MIB1: variants seen among roughly 807,000 people sequenced by gnomAD.
MIB1 encodes the protein E3 ubiquitin-protein ligase MIB1.
A neutral mutation model predicts 124.5 loss-of-function variants in MIB1; 278 were observed. That is an observed-to-expected ratio of 2.23 (90% confidence interval 2.02 to 2.47). The LOEUF (loss-of-function observed/expected upper bound fraction) is 2.47, where lower values mean the gene tolerates loss of function less well. MIB1 is among the 30% of genes most tolerant of loss of function. The probability of loss-of-function intolerance (pLI) is 0.00; values close to 1 mark genes in which losing one functional copy is unlikely to be tolerated. For missense variants in MIB1, 957 were observed against 1,254.4 expected (o/e 0.76, Z 3.58); for synonymous variants, 446 against 429.4 (o/e 1.04, Z -0.48).
rs777094146 is a variant in MIB1, at chr18:21,838,519, T to A, written c.1962+22T>A. 1.4e-5 allele frequency: 21 copies of A among 1,549,140 alleles called. No homozygotes were observed. In the South Asian group the frequency reaches 2.5e-4, roughly 18 times the overall value. ...TCAGGTAAGAAAAGAGTTAAATAATTCCCTCTTTTTTATTTTTTTTTAAAC... is the reference window on the plus strand; with the variant it reads ...TCAGGTAAGAAAAGAGTTAAATAATACCCTCTTTTTTATTTTTTTTTAAAC... On this transcript the variant is annotated intron_variant, in intron 13 of 20. Coordinates refer to ENST00000261537, the MANE Select transcript of MIB1 (RefSeq NM_020774.4).
intron 3 of MIB1, among the ~76,000 whole-genome samples, chr18:21,773,202 T>A (rs1400488883): frequency 1.3e-5 from 2 of 152,056 alleles, no homozygotes; most frequent in African/African-American, 4.8e-5. Flanking sequence ...AGGCGGAGGT[T>A]GCATTGAGCC....
In MIB1 at chr18:21,869,083, G is replaced by T. The variant is rs567280001; in HGVS notation, c.*4417G>T. 1 of 152,584 alleles carries T rather than the reference G, an allele frequency of 6.6e-6. No individual in the cohort carries two copies. Among genetic ancestry groups the T allele is most frequent in the Non-Finnish European group, 1.5e-5 (1 of 67,906 alleles). The allele number at this position is 152,584 out of a possible 1,614,324, so 9.5% of individuals were successfully genotyped here. A position where few individuals can be genotyped will look rare whatever the true frequency, so the allele number is the denominator to read the frequency against. On this transcript the variant is annotated 3_prime_UTR_variant, in exon 21 of 21. Coordinates refer to ENST00000261537, the MANE Select transcript of MIB1 (RefSeq NM_020774.4). ...TTAAAATTGACATTTTTGTTTCATTGAGAATTTAAGCAGTAGGTACAGGAG... is the reference window on the plus strand; with the variant it reads ...TTAAAATTGACATTTTTGTTTCATTTAGAATTTAAGCAGTAGGTACAGGAG...
chr18:21,752,669 C>A (rs1440776015), intron 1 of MIB1, among the ~76,000 whole-genome samples: 1 of 152,100 alleles, frequency 6.6e-6, no homozygotes, highest in African/African-American at 2.4e-5. Flanking sequence ...ACTCTCCAGG[C>A]CTTGTGGTAC....
intron 8 of MIB1, 116 bp from the exon 9 acceptor site, chr18:21,799,722 CATT>C (rs1568206968): frequency 5.1e-5 from 52 of 1,014,508 alleles, no homozygotes; most frequent in South Asian, 4.9e-4. Context: ...AGAAAAATAA[CATT>C]AATGATGGAA....
At chr18:21,755,834 CAG>C (rs1445630139) in intron 1 of MIB1, among the ~76,000 whole-genome samples, 4 of 152,274 alleles carry the variant, frequency 2.6e-5, no homozygotes, top group Middle Eastern at 3.4e-3. Context: ...TTTATATTCT[CAG>C]AGCACACTTA....
At chr18:21,815,873 A>G (rs1232940078) in intron 11 of MIB1, 60 bp downstream of exon 11, 3 of 1,426,758 alleles carry the variant, frequency 2.1e-6, no homozygotes, top group Middle Eastern at 1.8e-4. Flanking sequence ...AAAGGGAAAC[A>G]TTAAGTTCTA....
chr18:21,780,429 T>C (rs117771031), intron 6 of MIB1, among the ~76,000 whole-genome samples: 229 of 152,274 alleles, frequency 1.5e-3, no homozygotes, highest in Non-Finnish European at 2.5e-3. Context: ...CCAATCAACT[T>C]TCTATCTCCA....
intron 7 of MIB1, among the ~76,000 whole-genome samples, chr18:21,793,386 G>A (rs1439397916): frequency 6.6e-6 from 1 of 152,168 alleles, no homozygotes; most frequent in Non-Finnish European, 1.5e-5. Flanking sequence ...GACAAAGGAA[G>A]GAGAAGGTCC....
chr18:21,762,770 A>T (rs1180393488), intron 1 of MIB1, among the ~76,000 whole-genome samples: 1 of 152,208 alleles, frequency 6.6e-6, no homozygotes, highest in Non-Finnish European at 1.5e-5. Flanking sequence ...ATGGTATATA[A>T]TTGCTATTTA....
upstream of MIB1, among the ~76,000 whole-genome samples, chr18:21,736,421 A>G (rs1427547403): frequency 1.3e-5 from 2 of 152,232 alleles, no homozygotes; most frequent in East Asian, 3.8e-4. Flanking sequence ...ACCAGCACAA[A>G]AAGGCTGAAA....
In MIB1 at chr18:21,773,660, C is replaced by T. The variant is rs1371683073; in HGVS notation, c.568C>T (p.His190Tyr). 6.2e-7 allele frequency: 1 copy of T among 1,609,182 alleles called. No individual in the cohort carries two copies. The highest frequency in any genetic ancestry group is 2.2e-5 in the East Asian group (1 of 44,540). The change falls in exon 4 of 21, where the codon CAT becomes TAT. Residue 190 changes from histidine to tyrosine, a missense_variant. Transcript: ENST00000261537. The stretch of plus-strand genomic sequence containing the variant: ...CCAGGACTGGAGTGCATCAAGCCCA[C>T]ATAGCGCAGCATATGTCCTCTGGGA... Reference protein sequence around the residue: ...EIQDWSASSPHSAAYVLWDNG... With the variant: ...EIQDWSASSPYSAAYVLWDNG...
chr18:21,826,409 T>G (rs1227511972), intron 12 of MIB1: 1 of 152,162 alleles, frequency 6.6e-6, no homozygotes, highest in African/African-American at 2.4e-5. Context: ...CTACCATGCA[T>G]GCCAGTTTTT....
At chr18:21,718,405 T>A (rs1007620542) in intron 1 of MIB1, among the ~76,000 whole-genome samples, 5 of 152,066 alleles carry the variant, frequency 3.3e-5, no homozygotes, top group Admixed American at 1.3e-4. Context: ...AACATTTTTT[T>A]AAAAAAGAAA....
intron 6 of MIB1, among the ~76,000 whole-genome samples, chr18:21,781,405 AT>A (rs2041364738): frequency 3.9e-5 from 3 of 77,136 alleles, no homozygotes; most frequent in African/African-American, 5.7e-5. Context: ...ATATATATAT[AT>A]ATATATATAA....
intron 9 of MIB1, 70 bp from the exon 10 acceptor site, chr18:21,803,837 C>T: frequency 8.8e-7 from 1 of 1,136,500 alleles, no homozygotes; most frequent in Non-Finnish European, 1.3e-6. Context: ...CTTAAACCTA[C>T]ACCGTATGTA....
chr18:21,741,580 C>G lies in MIB1; in HGVS notation c.-4C>G, dbSNP rs2040852084. The G allele has an allele frequency of 1.3e-6, 2 of 1,482,494 alleles. No homozygotes were observed. The highest frequency in any genetic ancestry group is 1.8e-6 in the Non-Finnish European group (2 of 1,118,466). 91.8% of individuals were successfully genotyped at this position (1,482,494 alleles called of 1,614,324 possible). A position where few individuals can be genotyped will look rare whatever the true frequency, so the allele number is the denominator to read the frequency against. On this transcript the variant is annotated 5_prime_UTR_variant, in exon 1 of 21. Transcript: ENST00000261537. This position sits in a 1 kb window ranked among gnomAD's most constrained non-coding sequence, Gnocchi z 5.4. ...CAGCGGCGGAGCCCACCGCCCGGGCCCCGATGAGTAACTCCCGGAATAACC... is the reference window on the plus strand; with the variant it reads ...CAGCGGCGGAGCCCACCGCCCGGGCGCCGATGAGTAACTCCCGGAATAACC...
rs1287720030 is a variant in MIB1 at position 21,838,348 on chromosome 18, G to A, written c.1830-17G>A. ...CAAATTATGCAAATATAGAAATAAT[G>A]TGAATTTAACTTTCAGTGCAATGCG... On this transcript the variant is annotated splice_polypyrimidine_tract_variant and intron_variant, in intron 12 of 20. Transcript: ENST00000261537. 1 of 1,543,440 alleles carries A rather than the reference G, an allele frequency of 6.5e-7. No homozygotes were observed. Among genetic ancestry groups the A allele is most frequent in the African/African-American group, 1.4e-5 (1 of 72,422 alleles).
chr18:21,724,888 C>T (rs905105836), intron 1 of MIB1, among the ~76,000 whole-genome samples: 2 of 145,392 alleles, frequency 1.4e-5, no homozygotes, highest in Non-Finnish European at 3.0e-5. Flanking sequence ...GTCAGGAGAT[C>T]GCGACCATCC....
chr18:21,825,179 C>T (rs1169993684), intron 12 of MIB1, among the ~76,000 whole-genome samples: 1 of 152,026 alleles, frequency 6.6e-6, no homozygotes, highest in Non-Finnish European at 1.5e-5. Flanking sequence ...TCTTTTTCAC[C>T]TTACCTGCTA....
Sources: allele counts gnomAD v4.1 joint callset (sites outside exome capture counted in the v4.1 genomes callset), GRCh38; gene constraint gnomAD v4.1.1; non-coding constraint Gnocchi (gnomAD v3.1); transcripts MANE v1.5; gene names NCBI Gene and HGNC (gene_info 2026-07-23, HGNC 2026-07-21).